The following NWD2 variants were observed in gnomAD, a reference collection of about 807,000 sequenced individuals.
The protein encoded by NWD2 is NACHT and WD repeat domain-containing protein 2.
A neutral mutation model predicts 132.7 loss-of-function variants in NWD2; 37 were observed. That is an observed-to-expected ratio of 0.28 (90% CI 0.21 to 0.37). The LOEUF (loss-of-function observed/expected upper bound fraction) is 0.37, where lower values mean the gene tolerates loss of function less well. Ranked by LOEUF, NWD2 falls within the 10% of genes least tolerant of loss-of-function variation. The pLI, the probability that NWD2 is intolerant of heterozygous loss-of-function variation, is 1.00. For synonymous variants in NWD2, 705 were observed against 803.0 expected (o/e 0.88, Z 2.06); for missense variants, 1,592 against 2,122.4 (o/e 0.75, Z 4.91).
At chr4:37,427,539 T>G (rs1712039492) in intron 3 of NWD2, among the ~76,000 whole-genome samples, 1 of 152,190 alleles carries the variant, frequency 6.6e-6, no homozygotes, top group Non-Finnish European at 1.5e-5. Context: ...TGCTCTTAAT[T>G]GGGCTTCAGG....
chr4:37,271,939 T>C (rs1327358138), intron 1 of NWD2, among the ~76,000 whole-genome samples: 1 of 151,780 alleles, frequency 6.6e-6, no homozygotes, highest in Non-Finnish European at 1.5e-5. Context: ...ACTGTAGGTT[T>C]TTTGTAGTGC....
chr4:37,431,038 A>G (rs1340162109), intron 4 of NWD2, among the ~76,000 whole-genome samples: 1 of 152,218 alleles, frequency 6.6e-6, no homozygotes, highest in African/African-American at 2.4e-5. Context: ...GGATGCGAAG[A>G]AAAAGGAACC....
rs1004452670 is a variant in NWD2, at chr4:37,415,537, T to C, written c.358-15035T>C. On this transcript the variant is annotated intron_variant, in intron 3 of 6. Coordinates refer to ENST00000309447, the MANE Select transcript of NWD2 (RefSeq NM_001144990.2). ...GGCTAACACGGTGACACCCTGCCTT[T>C]ACTAAAAATACAAAAAATTAGCCGG... Among the ~76,000 whole-genome samples, 5 of 151,976 alleles carry C rather than the reference T, an allele frequency of 3.3e-5. No individual in the cohort carries two copies. In the South Asian group the frequency reaches 1.0e-3, roughly 32 times the overall value.
intron 3 of NWD2, among the ~76,000 whole-genome samples, chr4:37,390,538 T>G (rs1255707786): frequency 6.6e-6 from 1 of 152,162 alleles, no homozygotes; most frequent in Non-Finnish European, 1.5e-5. Flanking sequence ...GATTGCTTTG[T>G]CCCACCTCCA....
chr4:37,286,783 T>C (rs1425318903), intron 1 of NWD2, among the ~76,000 whole-genome samples: 1 of 152,098 alleles, frequency 6.6e-6, no homozygotes, highest in Non-Finnish European at 1.5e-5. Context: ...AGGAGGGTCT[T>C]AATAAATGTT....
At chr4:37,358,225 G>A (rs1719908729) in intron 3 of NWD2, among the ~76,000 whole-genome samples, 1 of 152,078 alleles carries the variant, frequency 6.6e-6, no homozygotes, top group Non-Finnish European at 1.5e-5. Context: ...GTTCTGAGCA[G>A]AGGAATGAAG....
chr4:37,275,139 T>C (rs1717980229), intron 1 of NWD2, among the ~76,000 whole-genome samples: 1 of 152,156 alleles, frequency 6.6e-6, no homozygotes, highest in Admixed American at 6.6e-5. Flanking sequence ...GAAGTCAAAT[T>C]GTCCCTGTTT....
chr4:37,350,496 A>G (rs9685746), intron 2 of NWD2, among the ~76,000 whole-genome samples: 142,071 of 152,218 alleles, frequency 0.93, 67,116 homozygotes, highest in East Asian at 1. Context: ...TCTATTATTG[A>G]TGTATAGGAA....
chr4:37,328,141 G>A (rs748125372), intron 2 of NWD2, among the ~76,000 whole-genome samples: 7 of 151,932 alleles, frequency 4.6e-5, no homozygotes, highest in Non-Finnish European at 1.0e-4. Flanking sequence ...ATTTTACTCT[G>A]GCTGTTCTGT....
chr4:37,382,803 G>A lies in NWD2; in HGVS notation c.357+26321G>A, dbSNP rs528894972. ...CTCACCAGGTTCAAGCAATTCTTGT[G>A]CCTCAGCCTCCCGAGTAGCTGGGAT... On this transcript the variant is annotated intron_variant, in intron 3 of 6. Coordinates refer to ENST00000309447, the MANE Select transcript of NWD2 (RefSeq NM_001144990.2). Among the ~76,000 whole-genome samples, 12 of 152,114 alleles carry A rather than the reference G, an allele frequency of 7.9e-5. No individual in the cohort carries two copies. In the South Asian group the frequency reaches 1.7e-3, roughly 21 times the overall value.
intron 1 of NWD2, among the ~76,000 whole-genome samples, chr4:37,257,013 C>T (rs1361724097): frequency 6.6e-6 from 1 of 152,114 alleles, no homozygotes; most frequent in African/African-American, 2.4e-5. Context: ...AGATTTGGGG[C>T]CCAGGAACTC....
intron 3 of NWD2, among the ~76,000 whole-genome samples, chr4:37,382,853 G>C (rs1179825285): frequency 6.6e-6 from 1 of 151,864 alleles, no homozygotes; most frequent in Non-Finnish European, 1.5e-5. Flanking sequence ...ACCAGGCCTG[G>C]CTAATTTTTG....
intron 1 of NWD2, among the ~76,000 whole-genome samples, chr4:37,277,398 A>G (rs975237143): frequency 2.6e-5 from 4 of 151,964 alleles, no homozygotes; most frequent in African/African-American, 9.7e-5. Context: ...GGACTCCCAC[A>G]TAGTTTGCTA....
chr4:37,310,649 A>G (rs1338797748), intron 1 of NWD2, among the ~76,000 whole-genome samples: 2 of 151,894 alleles, frequency 1.3e-5, no homozygotes, highest in East Asian at 3.9e-4. Context: ...AATTATTATT[A>G]TACTTTAAGT....
At chr4:37,375,694 G>A (rs189034864) in intron 3 of NWD2, among the ~76,000 whole-genome samples, 3,758 of 151,134 alleles carry the variant, frequency 0.025, 154 homozygotes, top group African/African-American at 0.087. Context: ...TCAGCCTCCC[G>A]AGTAGTTAGG....
chr4:37,321,203 G>A (rs4337743), intron 1 of NWD2, among the ~76,000 whole-genome samples: 35,060 of 152,080 alleles, frequency 0.23, 4,742 homozygotes, highest in Middle Eastern at 0.4. Flanking sequence ...CCTTTAGTTT[G>A]TTGAAGATAG....
intron 2 of NWD2, among the ~76,000 whole-genome samples, chr4:37,349,677 C>G (rs917857146): frequency 1.3e-5 from 2 of 152,180 alleles, no homozygotes; most frequent in Admixed American, 6.5e-5. Context: ...TGTGCAGAAG[C>G]TCTTCAGTTT....
At chr4:37,274,408 A>G (rs1276703879) in intron 1 of NWD2, among the ~76,000 whole-genome samples, 1 of 152,134 alleles carries the variant, frequency 6.6e-6, no homozygotes, top group Admixed American at 6.6e-5. Flanking sequence ...GAATAGACCA[A>G]TAACAGGCTC....
intron 1 of NWD2, among the ~76,000 whole-genome samples, chr4:37,288,594 A>T (rs1268999585): frequency 1.3e-5 from 2 of 152,234 alleles, no homozygotes; most frequent in Non-Finnish European, 1.5e-5. Flanking sequence ...CATGTGCAGA[A>T]ATTTAATCAG....
Sources: gnomAD v4.1 joint callset for allele counts (sites outside exome capture counted in the v4.1 genomes callset) on GRCh38, gnomAD v4.1.1 for gene constraint, MANE v1.5 for transcripts, NCBI Gene and HGNC (gene_info 2026-07-23, HGNC 2026-07-21) for gene names.